DLGAP2: variants seen among roughly 807,000 people sequenced by gnomAD.
DLGAP2 encodes DLG associated protein 2, also known as disks large-associated protein 2.
Under a neutral mutation model 100.3 loss-of-function variants are expected in DLGAP2, and 26 were observed. The ratio of observed to expected loss-of-function variants is 0.26; its 90% CI spans 0.19 to 0.36. The LOEUF (loss-of-function observed/expected upper bound fraction) is 0.36. DLGAP2 is among the 10% of genes least tolerant of loss of function. The pLI, the probability that DLGAP2 is intolerant of heterozygous loss-of-function variation, is 1.00. For missense variants in DLGAP2, 1,858 were observed against 1,453.2 expected (o/e 1.28, Z -4.53); for synonymous variants, 886 against 630.1 (o/e 1.41, Z -6.08).
At chr8:1,392,125 A>C (rs1796373318) in intron 3 of DLGAP2, among the ~76,000 whole-genome samples, 1 of 151,908 alleles carries the variant, frequency 6.6e-6, no homozygotes, top group African/African-American at 2.4e-5. Flanking sequence ...CCTTATCTAC[A>C]TCTCTAATTT....
Position 1,633,031 on chromosome 8 carries a change from A to G in DLGAP2, c.1795A>G (p.Ile599Val), listed in dbSNP as rs1448423069. 8 of 1,613,868 alleles carry G rather than the reference A, an allele frequency of 5.0e-6. No individual in the cohort carries two copies. In the Admixed American group the frequency reaches 5.0e-5, roughly 10 times the overall value. The change falls in exon 8 of 15, where the codon ATC becomes GTC. Residue 599 changes from isoleucine (I) to valine (V), a missense_variant. Physicochemically the swap from Ile to Val is conservative, Grantham distance 29. Coordinates refer to ENST00000637795, the MANE Select transcript of DLGAP2 (RefSeq NM_001346810.2). ...MMTPSDITST[I>V]RSTAAVSYTN... The stretch of plus-strand genomic sequence containing the variant: ...GACACCCTCTGACATCACCTCCACC[A>G]TCAGGTCAACAGCAGGTAAGGGGAC...
chr8:1,280,844 T>C (rs149116831), intron 3 of DLGAP2, among the ~76,000 whole-genome samples: 2 of 152,344 alleles, frequency 1.3e-5, no homozygotes, highest in African/African-American at 4.8e-5. Context: ...TAGGCCATCC[T>C]AGGGCTTAGG....
intron 2 of DLGAP2, among the ~76,000 whole-genome samples, chr8:917,949 C>T (rs1233658111): frequency 6.6e-6 from 1 of 152,180 alleles, no homozygotes; most frequent in East Asian, 1.9e-4. Flanking sequence ...AATGAGACTG[C>T]CTCATGACTT....
chr8:966,957 A>G (rs1799886991), intron 2 of DLGAP2, among the ~76,000 whole-genome samples: 1 of 152,252 alleles, frequency 6.6e-6, no homozygotes, highest in Non-Finnish European at 1.5e-5. Context: ...TCTACTGGCC[A>G]TTGATGTGTC....
At chr8:1,127,124 T>C (rs537183901) in intron 2 of DLGAP2, among the ~76,000 whole-genome samples, 2 of 149,148 alleles carry the variant, frequency 1.3e-5, no homozygotes, top group South Asian at 2.2e-4. Flanking sequence ...TCCTTCTGCT[T>C]GTGTTCCTGG....
intron 3 of DLGAP2, among the ~76,000 whole-genome samples, chr8:1,337,259 G>A (rs1229623201): frequency 6.8e-6 from 1 of 147,100 alleles, no homozygotes; most frequent in Non-Finnish European, 1.5e-5. Context: ...GATGATGGTG[G>A]TGATGATGAG....
At chr8:1,208,748 C>G (rs181098531) in intron 2 of DLGAP2, among the ~76,000 whole-genome samples, 119 of 152,038 alleles carry the variant, frequency 7.8e-4, no homozygotes, top group Non-Finnish European at 1.5e-3. Flanking sequence ...TAAATGAATT[C>G]AGTAAAGTTT....
chr8:935,629 A>G (rs184622485), intron 2 of DLGAP2, among the ~76,000 whole-genome samples: 5 of 152,156 alleles, frequency 3.3e-5, no homozygotes, highest in East Asian at 1.9e-4. Flanking sequence ...ACCGAGTTCC[A>G]TGTTTCAGGG....
At chr8:1,436,134 C>G (rs1797616968) in intron 3 of DLGAP2, among the ~76,000 whole-genome samples, 1 of 152,120 alleles carries the variant, frequency 6.6e-6, no homozygotes, top group Non-Finnish European at 1.5e-5. Flanking sequence ...CTCACAACCA[C>G]AAGGTGAACT....
rs568938702 is a variant in DLGAP2 at position 1,384,418 on chromosome 8, G to T, written c.107-116948G>T. Among the ~76,000 whole-genome samples the T allele has an allele frequency of 2.9e-3, 270 of 92,350 alleles. 18 individuals carry two copies. The highest frequency in any genetic ancestry group is 1.0e-2 in the African/African-American group (254 of 25,488). 60.6% of individuals were successfully genotyped at this position (92,350 alleles called of 152,430 possible). On this transcript the variant is annotated intron_variant, in intron 3 of 14. Coordinates refer to ENST00000637795, the MANE Select transcript of DLGAP2 (RefSeq NM_001346810.2). ...GAGAACTTGGTGCTCAGTTACCCCG[G>T]CCTGTGCCCGGCCCCTGAGAACTTG...
chr8:1,505,434 G>A (rs896055214), intron 4 of DLGAP2, among the ~76,000 whole-genome samples: 1 of 152,196 alleles, frequency 6.6e-6, no homozygotes. Flanking sequence ...GGAAAGCTGA[G>A]TAGCATTGGC....
intron 3 of DLGAP2, among the ~76,000 whole-genome samples, chr8:1,324,719 A>G (rs1800981574): frequency 6.6e-6 from 1 of 152,188 alleles, no homozygotes; most frequent in African/African-American, 2.4e-5. Context: ...ACTGTTGAGG[A>G]CTTAACATAT....
intron 3 of DLGAP2, among the ~76,000 whole-genome samples, chr8:1,469,345 G>A (rs960341826): frequency 6.6e-6 from 1 of 152,228 alleles, no homozygotes; most frequent in Admixed American, 6.5e-5. Flanking sequence ...GTACGAGAGC[G>A]AAGCGGGCTT....
At chr8:1,536,531 T>G (rs889732014) in intron 4 of DLGAP2, among the ~76,000 whole-genome samples, 1 of 152,188 alleles carries the variant, frequency 6.6e-6, no homozygotes, top group South Asian at 2.1e-4. Flanking sequence ...CACCTTGATC[T>G]GAAAGCATTT....
chr8:1,693,734 G>A (rs1343197048), intron 13 of DLGAP2, among the ~76,000 whole-genome samples: 1 of 152,046 alleles, frequency 6.6e-6, no homozygotes, highest in Non-Finnish European at 1.5e-5. Context: ...TGAAGTTCAC[G>A]GCGATTTTAA....
chr8:1,077,907 G>A (rs370223369), intron 2 of DLGAP2, among the ~76,000 whole-genome samples: 3 of 152,136 alleles, frequency 2.0e-5, no homozygotes, highest in African/African-American at 4.8e-5. Context: ...GTTCTCCAGC[G>A]GCCGCCGCAC....
chr8:900,845 A>G (rs7841301), intron 1 of DLGAP2, among the ~76,000 whole-genome samples: 150,065 of 152,328 alleles, frequency 0.99, 73,931 homozygotes, highest in East Asian at 1. Context: ...GAAAACAGAA[A>G]TGAGATGTTA....
intron 2 of DLGAP2, among the ~76,000 whole-genome samples, chr8:966,530 A>T (rs550795245): frequency 5.3e-5 from 8 of 152,282 alleles, no homozygotes; most frequent in South Asian, 2.1e-4. Flanking sequence ...TCTTTTTTTT[A>T]AAAGTTTTTA....
At chr8:1,084,976 T>C (rs1803927388) in intron 2 of DLGAP2, among the ~76,000 whole-genome samples, 1 of 152,226 alleles carries the variant, frequency 6.6e-6, no homozygotes, top group Non-Finnish European at 1.5e-5. Flanking sequence ...CTAATTTACA[T>C]TCCCACTAAC....
Sources: allele counts gnomAD v4.1 joint callset (sites outside exome capture counted in the v4.1 genomes callset), GRCh38; gene constraint gnomAD v4.1.1; transcripts MANE v1.5; gene names NCBI Gene and HGNC (gene_info 2026-07-23, HGNC 2026-07-21).